The following BTG3 variants were observed in gnomAD, a reference collection of about 807,000 sequenced individuals.
BTG3 encodes the protein BTG anti-proliferation factor 3.
In BTG3, 4 loss-of-function variants were observed where a neutral mutation model predicts 25.8. That is an observed-to-expected ratio of 0.16 (90% CI 0.08 to 0.36). The LOEUF is 0.36. BTG3 is among the 10% of genes least tolerant of loss of function. The pLI is 1.00. For synonymous variants in BTG3, 107 were observed against 99.9 expected (o/e 1.07, Z -0.42); for missense variants, 201 against 304.9 (o/e 0.66, Z 2.54).
Position 17,593,832 on chromosome 21 carries a change from T to A in BTG3, c.*261A>T. 1 of 419,902 alleles carries A rather than the reference T, an allele frequency of 2.4e-6. No individual in the cohort carries two copies. The highest frequency in any genetic ancestry group is 4.2e-6 in the Non-Finnish European group (1 of 238,544). The allele number at this position is 419,902 out of a possible 1,614,324, so 26.0% of individuals were successfully genotyped here. On this transcript the variant is annotated 3_prime_UTR_variant, in exon 5 of 5. Transcript: ENST00000348354. ...GTGTTCTCGTATCCAACAGAGTTGA[T>A]GCACAATATATAAATACTCAAGTCC...
chr21:17,610,016 T>C (rs892245578), intron 1 of BTG3, among the ~76,000 whole-genome samples: 5 of 152,176 alleles, frequency 3.3e-5, no homozygotes, highest in African/African-American at 4.8e-5. Context: ...AGTACTAATA[T>C]AAGCTACAAC....
chr21:17,603,330 C>A (rs1349307906), intron 3 of BTG3, among the ~76,000 whole-genome samples: 1 of 152,132 alleles, frequency 6.6e-6, no homozygotes, highest in African/African-American at 2.4e-5. Flanking sequence ...TTTGAGATAG[C>A]TTGCTCCTTT....
rs1324125759 is a variant in BTG3, at chr21:17,602,323, TAAGTGAAGACTATG to T, written c.311+2523_311+2536del. Among the ~76,000 whole-genome samples, 11 of 152,370 alleles carry T rather than the reference TAAGTGAAGACTATG, an allele frequency of 7.2e-5. 1 individual carries two copies. Among genetic ancestry groups the T allele is most frequent in the African/African-American group, 2.6e-4 (11 of 41,592 alleles). ...CTTGCAGCATTTTATTCTATCAGAG[TAAGTGAAGACTATG>T]AAGAATGTTCTCAGTGCATCTCAAT... On this transcript the variant is annotated intron_variant, in intron 3 of 4. Transcript: ENST00000348354.
intron 3 of BTG3, among the ~76,000 whole-genome samples, chr21:17,600,979 T>C (rs781028547): frequency 2.0e-5 from 3 of 152,056 alleles, no homozygotes; most frequent in Non-Finnish European, 4.4e-5. Flanking sequence ...CTGGCCAACA[T>C]GGTGAAACCC....
rs533634736 is a variant in BTG3, at chr21:17,595,003, TAA to T, written c.520-673_520-672del. Among the ~76,000 whole-genome samples the T allele has an allele frequency of 4.3e-5, 6 of 140,270 alleles. No homozygotes were observed. In the East Asian group the frequency reaches 6.1e-4, roughly 14 times the overall value. The allele number at this position is 140,270 out of a possible 152,430, so 92.0% of individuals were successfully genotyped here. A position where few individuals can be genotyped will look rare whatever the true frequency, so the allele number is the denominator to read the frequency against. Reference sequence around the variant, plus strand: ...GTATCCCTAAACCTAAAATAAAAGTTAAAAAAAAAAAAAGATAAACACAAAAC... The same window carrying T: ...GTATCCCTAAACCTAAAATAAAAGTTAAAAAAAAAAAGATAAACACAAAAC... On this transcript the variant is annotated intron_variant, in intron 4 of 4. Coordinates refer to ENST00000348354, the MANE Select transcript of BTG3 (RefSeq NM_006806.5).
chr21:17,594,579 C>A (rs1054168248), intron 4 of BTG3, among the ~76,000 whole-genome samples: 5 of 152,000 alleles, frequency 3.3e-5, no homozygotes, highest in African/African-American at 1.2e-4. Flanking sequence ...TCCTAAACAA[C>A]TTCAACCAAA....
chr21:17,609,148 T>C lies in BTG3; in HGVS notation c.-4A>G. On this transcript the variant is annotated 5_prime_UTR_variant, in exon 2 of 5. Coordinates refer to ENST00000348354, the MANE Select transcript of BTG3 (RefSeq NM_006806.5). ...CGGCAGCAATTTCATTCTTCATTTT[T>C]TTCCCTGCAAAGATAAAACATGTTT... is the stretch of plus-strand genomic sequence containing the variant. The C allele has an allele frequency of 1.2e-6, 2 of 1,605,204 alleles. No individual in the cohort carries two copies. Among genetic ancestry groups the C allele is most frequent in the South Asian group, 1.1e-5 (1 of 88,626 alleles).
At chr21:17,607,018 T>C (rs1016535315) in intron 2 of BTG3, among the ~76,000 whole-genome samples, 1 of 152,172 alleles carries the variant, frequency 6.6e-6, no homozygotes, top group African/African-American at 2.4e-5. Context: ...GAAAGAACAC[T>C]CCACCTATTC....
rs764532056 is a variant in BTG3, at chr21:17,598,626, A to T, written c.510T>A (p.Pro170=). Residue 170 remains proline, a synonymous_variant, in exon 4 of 5, where the codon CCT becomes CCA. Coordinates refer to ENST00000348354, the MANE Select transcript of BTG3 (RefSeq NM_006806.5). ...KPSSVTAAAS[P]VYQISELIFP... is the part of the protein sequence containing the mutation. ...CTGTTTTCATGGTTACCTGGTACAC[A>T]GGACTTGCGGCTGCAGTCACCGAAC... 41 of 1,613,738 alleles carry T rather than the reference A, an allele frequency of 2.5e-5. No individual in the cohort carries two copies. The Middle Eastern group carries it at 8.2e-4, about 32-fold the overall frequency.
rs756501688 is a variant in BTG3, at chr21:17,594,350, C to T, written c.520-18G>A. 4 of 1,598,860 alleles carry T rather than the reference C, an allele frequency of 2.5e-6. No homozygotes were observed. The highest frequency in any genetic ancestry group is 1.8e-5 in the Admixed American group (1 of 56,796). Reference sequence around the variant, plus strand: ...TCTGAAATCTGTAGGGAAGAGAACACATTAAGTTAATTCAAAGGAAAAAAT... The same window carrying T: ...TCTGAAATCTGTAGGGAAGAGAACATATTAAGTTAATTCAAAGGAAAAAAT... On this transcript the variant is annotated intron_variant, in intron 4 of 4. Coordinates refer to ENST00000348354, the MANE Select transcript of BTG3 (RefSeq NM_006806.5).
At chr21:17,607,541 T>C (rs183672504) in intron 2 of BTG3, among the ~76,000 whole-genome samples, 3 of 152,336 alleles carry the variant, frequency 2.0e-5, no homozygotes, top group Admixed American at 2.0e-4. Context: ...GATTCTCTTC[T>C]TGTCAATAGA....
chr21:17,597,319 C>A (rs909733723), intron 4 of BTG3, among the ~76,000 whole-genome samples: 1 of 151,750 alleles, frequency 6.6e-6, no homozygotes, highest in Non-Finnish European at 1.5e-5. Flanking sequence ...GGTAAAATTG[C>A]CACACATTTG....
chr21:17,596,373 A>C (rs1252179844), intron 4 of BTG3, among the ~76,000 whole-genome samples: 1 of 152,038 alleles, frequency 6.6e-6, no homozygotes, highest in Non-Finnish European at 1.5e-5. Flanking sequence ...TCACAAAATA[A>C]AGATTATATT....
In BTG3 at chr21:17,593,706, TAAAC is replaced by T. The variant is rs149725830; in HGVS notation, c.*383_*386del. ...ACTACATGATTTCACACAATTCTCT[TAAAC>T]AACGACATAAAATAGATTTCCTTGT... is the stretch of plus-strand genomic sequence containing the variant. On this transcript the variant is annotated 3_prime_UTR_variant, in exon 5 of 5. Transcript: ENST00000348354. The T allele has an allele frequency of 0.016, 2,632 of 169,780 alleles. 72 individuals carry two copies. Among genetic ancestry groups the T allele is most frequent in the African/African-American group, 0.057 (2,419 of 42,158 alleles). 10.5% of individuals were successfully genotyped at this position (169,780 alleles called of 1,614,324 possible). A position where few individuals can be genotyped will look rare whatever the true frequency, so the allele number is the denominator to read the frequency against.
intron 2 of BTG3, 97 bp from the exon 3 acceptor site, chr21:17,605,094 T>A: frequency 7.4e-7 from 1 of 1,351,436 alleles, no homozygotes; most frequent in Non-Finnish European, 1.0e-6. Flanking sequence ...AATAAAATAG[T>A]AATAAAAAAA....
In BTG3 at chr21:17,593,824, A is replaced by G. The variant is rs988324434; in HGVS notation, c.*269T>C. 3 of 390,928 alleles carry G rather than the reference A, an allele frequency of 7.7e-6. No homozygotes were observed. In the Admixed American group the frequency reaches 1.3e-4, roughly 17 times the overall value. The allele number at this position is 390,928 out of a possible 1,614,324, so 24.2% of individuals were successfully genotyped here. On this transcript the variant is annotated 3_prime_UTR_variant, in exon 5 of 5. Transcript: ENST00000348354. ...CTTCTACAGTGTTCTCGTATCCAAC[A>G]GAGTTGATGCACAATATATAAATAC...
chr21:17,596,085 T>C (rs560713372), intron 4 of BTG3, among the ~76,000 whole-genome samples: 1 of 152,136 alleles, frequency 6.6e-6, no homozygotes, highest in African/African-American at 2.4e-5. Context: ...CCTCCTGCCC[T>C]TTTTTTGAGA....
chr21:17,612,490 AAGCCTCGCGGGCCGCCCTCGCGGCCCGC>A (rs2061745646), intron 1 of BTG3, 181 bp downstream of exon 1: 4 of 152,166 alleles, frequency 2.6e-5, no homozygotes, highest in Middle Eastern at 3.4e-3. Context: ...GTCCCGCGGA[AAGCCTCGCGGGCCGCCCTCGCGGCCCGC>A]AGCCCCGCTC....
At chr21:17,601,401 A>C (rs1009037721) in intron 3 of BTG3, among the ~76,000 whole-genome samples, 1 of 152,076 alleles carries the variant, frequency 6.6e-6, no homozygotes, top group African/African-American at 2.4e-5. Flanking sequence ...GCTTACATCT[A>C]TAATTCTAGT....
Sources: allele counts gnomAD v4.1 joint callset (sites outside exome capture counted in the v4.1 genomes callset), GRCh38; gene constraint gnomAD v4.1.1; transcripts MANE v1.5; gene names NCBI Gene and HGNC (gene_info 2026-07-23, HGNC 2026-07-21).